The following ALG9 variants were observed in gnomAD, a reference collection of about 807,000 sequenced individuals.
ALG9 encodes ALG9 alpha-1,2-mannosyltransferase.
ALG9 carries 55 observed loss-of-function variants against 81.8 expected under a neutral mutation model. That is an observed-to-expected ratio of 0.67 (90% CI 0.54 to 0.84). The LOEUF (loss-of-function observed/expected upper bound fraction) is 0.84. Ranked by LOEUF, ALG9 falls within the 40% of genes least tolerant of loss-of-function variation. ALG9 has a pLI of 0.00. For missense variants in ALG9, 629 were observed against 745.0 expected (o/e 0.84, Z 1.81); for synonymous variants, 278 against 274.3 (o/e 1.01, Z -0.13).
At chr11:111,781,020 GA>G (rs1437003464), downstream of ALG9, among the ~76,000 whole-genome samples, 4 of 152,174 alleles carry the variant, frequency 2.6e-5, no homozygotes, top group African/African-American at 9.6e-5. Context: ...AGCCTTCTTA[GA>G]AAAAGGAGAC....
chr11:111,779,773 A>G (rs1945829610), downstream of ALG9, among the ~76,000 whole-genome samples: 1 of 152,210 alleles, frequency 6.6e-6, no homozygotes, highest in African/African-American at 2.4e-5. Flanking sequence ...ACTGAAAAAA[A>G]GGGAAAAAAA....
intron 13 of ALG9, among the ~76,000 whole-genome samples, chr11:111,830,427 A>G (rs1555112609): frequency 6.6e-6 from 1 of 152,212 alleles, no homozygotes; most frequent in African/African-American, 2.4e-5. Context: ...AATTCATTGC[A>G]CTGTAAAAAT....
At chr11:111,846,337 T>C (rs1255988571) in intron 8 of ALG9, among the ~76,000 whole-genome samples, 6 of 152,196 alleles carry the variant, frequency 3.9e-5, no homozygotes, top group African/African-American at 1.2e-4. Context: ...ATCCTTTCTA[T>C]TATCTATTAC....
intron 4 of ALG9, among the ~76,000 whole-genome samples, chr11:111,861,788 C>CT (rs1211008782): frequency 1.9e-4 from 29 of 148,840 alleles, no homozygotes; most frequent in Admixed American, 1.2e-3. Context: ...TTCCCTTTCT[C>CT]TTTTTTTTTT....
At chr11:111,859,095 A>G (rs1959164864) in intron 5 of ALG9, among the ~76,000 whole-genome samples, 1 of 152,158 alleles carries the variant, frequency 6.6e-6, no homozygotes, top group Admixed American at 6.5e-5. Flanking sequence ...AGTCCTAGCT[A>G]CTTGGGAGGC....
chr11:111,781,454 T>G (rs1555056905), downstream of ALG9, among the ~76,000 whole-genome samples: 2 of 152,064 alleles, frequency 1.3e-5, no homozygotes, highest in Non-Finnish European at 2.9e-5. Flanking sequence ...TAAAAAAAAT[T>G]TATTCCTTCT....
intron 14 of ALG9, among the ~76,000 whole-genome samples, chr11:111,804,507 C>G (rs1188226517): frequency 2.6e-5 from 4 of 152,172 alleles, no homozygotes; most frequent in South Asian, 2.1e-4. Flanking sequence ...GAGAGAACTA[C>G]TTGAGCCCAG....
chr11:111,800,688 TAC>T (rs1948987585), intron 14 of ALG9, among the ~76,000 whole-genome samples: 1 of 152,150 alleles, frequency 6.6e-6, no homozygotes, highest in Non-Finnish European at 1.5e-5. Flanking sequence ...ATTTTGTAAT[TAC>T]CTATTGATTT....
intron 12 of ALG9, among the ~76,000 whole-genome samples, chr11:111,836,516 G>A (rs1555117828): frequency 6.6e-6 from 1 of 152,172 alleles, no homozygotes; most frequent in African/African-American, 2.4e-5. Flanking sequence ...TTCACCAACT[G>A]TTAGCAGTGA....
At chr11:111,860,403 C>G in intron 5 of ALG9, 144 bp downstream of exon 5, 1 of 744,852 alleles carries the variant, frequency 1.3e-6, no homozygotes, top group South Asian at 1.5e-5. Flanking sequence ...AAATTATTGA[C>G]ATGTTCTACA....
intron 13 of ALG9, 102 bp from the exon 14 acceptor site, chr11:111,809,875 A>T: frequency 7.5e-7 from 1 of 1,331,650 alleles, no homozygotes; most frequent in Non-Finnish European, 1.1e-6. Flanking sequence ...CTTTGGAGGA[A>T]CAAACATCCA....
chr11:111,799,446 C>CTTTTTT (rs35858293), intron 14 of ALG9, among the ~76,000 whole-genome samples: 1 of 141,462 alleles, frequency 7.1e-6, no homozygotes, highest in Non-Finnish European at 1.5e-5. Flanking sequence ...CGGCTGATTC[C>CTTTTTT]TTTTTTTTTT....
intron 13 of ALG9, among the ~76,000 whole-genome samples, chr11:111,823,919 G>A (rs1952826412): frequency 6.6e-6 from 1 of 152,210 alleles, no homozygotes; most frequent in African/African-American, 2.4e-5. Flanking sequence ...GATGAGAGGT[G>A]TTATGTGAAT....
At chr11:111,802,843 C>T (rs1045340597) in intron 14 of ALG9, among the ~76,000 whole-genome samples, 2 of 152,132 alleles carry the variant, frequency 1.3e-5, no homozygotes, top group African/African-American at 2.4e-5. Context: ...CTGTGTCTCT[C>T]GCTCTCCTCA....
rs1466338336 is a variant in ALG9, at chr11:111,865,157, T to C, written c.476+24A>G. The C allele has an allele frequency of 7.9e-6, 12 of 1,525,074 alleles. No homozygotes were observed. The African/African-American group carries it at 1.4e-4, about 18-fold the overall frequency. 94.5% of individuals were successfully genotyped at this position (1,525,074 alleles called of 1,614,324 possible). A position where few individuals can be genotyped will look rare whatever the true frequency, so the allele number is the denominator to read the frequency against. ...ATAATGGGTTTCCTCACAGCACTTT[T>C]AGAAGCAAAGTTTTTATACTCACTT... On this transcript the variant is annotated intron_variant, in intron 4 of 14. Transcript: ENST00000616540.
intron 5 of ALG9, among the ~76,000 whole-genome samples, chr11:111,858,349 A>G (rs1164478419): frequency 1.3e-5 from 2 of 152,112 alleles, no homozygotes; most frequent in Non-Finnish European, 2.9e-5. Context: ...CCCCAGGAAC[A>G]CCCCATGATT....
the ALG9 span, among the ~76,000 whole-genome samples, chr11:111,775,463 A>G: frequency 1.3e-5 from 2 of 152,166 alleles, no homozygotes; most frequent in Non-Finnish European, 2.9e-5. Flanking sequence ...TGATTTAGCT[A>G]TGTGGTTAAA....
intron 13 of ALG9, among the ~76,000 whole-genome samples, chr11:111,818,501 C>T (rs1317854054): frequency 6.6e-6 from 1 of 152,170 alleles, no homozygotes; most frequent in Admixed American, 6.5e-5. Context: ...GAACTGTTTT[C>T]TGTTCCTACT....
intron 14 of ALG9, among the ~76,000 whole-genome samples, chr11:111,797,442 G>A (rs1464000049): frequency 6.6e-6 from 1 of 152,202 alleles, no homozygotes; most frequent in East Asian, 1.9e-4. Context: ...TCCAGCCCCA[G>A]CCACTATCTG....
Sources: allele counts gnomAD v4.1 joint callset (sites outside exome capture counted in the v4.1 genomes callset), GRCh38; gene constraint gnomAD v4.1.1; transcripts MANE v1.5; gene names NCBI Gene and HGNC (gene_info 2026-07-23, HGNC 2026-07-21).